RGS6: variants seen among roughly 807,000 people sequenced by gnomAD.
RGS6 encodes the protein regulator of G-protein signaling 6.
A neutral mutation model predicts 78.5 loss-of-function variants in RGS6; 30 were observed. The ratio of observed to expected loss-of-function variants is 0.38; its 90% CI spans 0.29 to 0.52. The LOEUF (loss-of-function observed/expected upper bound fraction) is 0.52, where lower values mean the gene tolerates loss of function less well. Among genes scored for constraint, RGS6 ranks in the 20% least tolerant of loss-of-function variants. RGS6 has a pLI of 0.85. For synonymous variants in RGS6, 206 were observed against 206.0 expected (o/e 1.00, Z 0.00); for missense variants, 495 against 609.7 (o/e 0.81, Z 1.98).
At chr14:72,047,781 G>A (rs1055735666) in intron 2 of RGS6, among the ~76,000 whole-genome samples, 7 of 151,774 alleles carry the variant, frequency 4.6e-5, no homozygotes, top group African/African-American at 1.7e-4. Flanking sequence ...AGGCTGGACT[G>A]CAATGGCGCG....
chr14:72,151,229 G>A (rs2096681737), intron 2 of RGS6, among the ~76,000 whole-genome samples: 1 of 152,198 alleles, frequency 6.6e-6, no homozygotes, highest in South Asian at 2.1e-4. Context: ...CTCTGTTATG[G>A]TAAATAGAGA....
In RGS6 at chr14:72,316,623, A is replaced by G. The variant is rs180950391; in HGVS notation, c.85-35472A>G. ...GGTGTATATGTGCCACATTTTCTTA[A>G]TCCAGTCTATCATTGATGGACATTT... is the stretch of plus-strand genomic sequence containing the variant. On this transcript the variant is annotated intron_variant, in intron 2 of 17. Transcript: ENST00000553525. Among the ~76,000 whole-genome samples the G allele has an allele frequency of 2.1e-4, 32 of 152,212 alleles. No homozygotes were observed. In the Middle Eastern group the frequency reaches 0.01, roughly 49 times the overall value.
chr14:72,102,923 CAG>C (rs566815373), intron 2 of RGS6, among the ~76,000 whole-genome samples: 220 of 152,202 alleles, frequency 1.4e-3, no homozygotes, highest in African/African-American at 5.1e-3. Flanking sequence ...TGGAACAAAA[CAG>C]AATATTTAAA....
intron 13 of RGS6, among the ~76,000 whole-genome samples, chr14:72,504,442 A>G (rs1210383197): frequency 6.6e-6 from 1 of 152,262 alleles, no homozygotes; most frequent in Non-Finnish European, 1.5e-5. Flanking sequence ...TTCACAGAAT[A>G]CTAGAACCAA....
chr14:72,171,420 C>T (rs1421619702), intron 2 of RGS6, among the ~76,000 whole-genome samples: 1 of 152,174 alleles, frequency 6.6e-6, no homozygotes, highest in Non-Finnish European at 1.5e-5. Context: ...CTTTGAAGCT[C>T]TTTTTAGTCA....
intron 2 of RGS6, among the ~76,000 whole-genome samples, chr14:72,268,051 C>A (rs188830058): frequency 9.2e-5 from 14 of 152,296 alleles, no homozygotes; most frequent in Admixed American, 2.6e-4. Context: ...GCCTTCATGT[C>A]CTCGCAATTA....
At chr14:72,139,341 G>A (rs932016524) in intron 2 of RGS6, among the ~76,000 whole-genome samples, 1 of 152,162 alleles carries the variant, frequency 6.6e-6, no homozygotes, top group Non-Finnish European at 1.5e-5. Flanking sequence ...TTCTGCTTTA[G>A]GTAGCCAGAC....
the RGS6 span, among the ~76,000 whole-genome samples, chr14:72,608,841 T>A: frequency 2.0e-5 from 3 of 152,164 alleles, no homozygotes; most frequent in African/African-American, 7.2e-5. Context: ...CCTGCAACCA[T>A]GAAAGCACTA....
intron 7 of RGS6, among the ~76,000 whole-genome samples, chr14:72,466,796 ATG>A (rs1217310184): frequency 7.9e-5 from 12 of 152,246 alleles, no homozygotes; most frequent in Non-Finnish European, 1.3e-4. Flanking sequence ...GAATCTATAC[ATG>A]TGTTAAAATT....
At position 72,035,427 on chromosome 14, in the gene RGS6, T is replaced by C. The variant is rs76199371; in HGVS notation, c.84+70552T>C. 3.0e-3 allele frequency among the ~76,000 whole-genome samples: 461 copies of C among 152,238 alleles called. 1 individual carries two copies. Among genetic ancestry groups the C allele is most frequent in the African/African-American group, 9.9e-3 (411 of 41,564 alleles). On this transcript the variant is annotated intron_variant, in intron 2 of 17. Coordinates refer to ENST00000553525, the MANE Select transcript of RGS6 (RefSeq NM_001204424.2). Reference sequence around the variant, plus strand: ...TCTATTGGTCTTTAAAAAAACTCAATTTTTGTTGTTTTTTTCTATTATTTT... The same window carrying C: ...TCTATTGGTCTTTAAAAAAACTCAACTTTTGTTGTTTTTTTCTATTATTTT...
chr14:71,981,269 G>A (rs1359808369), intron 2 of RGS6, among the ~76,000 whole-genome samples: 1 of 152,220 alleles, frequency 6.6e-6, no homozygotes, highest in East Asian at 1.9e-4. Flanking sequence ...GCTCATCAAA[G>A]TCATTCTCCG....
In RGS6 at chr14:72,352,631, ATTCC is replaced by A. The variant is rs201226199; in HGVS notation, c.184+440_184+443del. ...GAGAGGTTTTAAACTATTTTTCTTC[ATTCC>A]TTATATTGTGCTTTGTGTGCTCATC... On this transcript the variant is annotated intron_variant, in intron 3 of 17. Coordinates refer to ENST00000553525, the MANE Select transcript of RGS6 (RefSeq NM_001204424.2). Among the ~76,000 whole-genome samples the A allele has an allele frequency of 5.8e-4, 89 of 152,294 alleles. 2 individuals are homozygous for A. In the East Asian group the frequency reaches 0.017, roughly 29 times the overall value.
chr14:71,936,207 G>A (rs948562656), intron 1 of RGS6, among the ~76,000 whole-genome samples: 1 of 151,776 alleles, frequency 6.6e-6, no homozygotes, highest in Non-Finnish European at 1.5e-5. Context: ...TGAGGAGCAA[G>A]GAGAGCCAGT....
At chr14:71,941,401 T>G (rs1224019670) in intron 1 of RGS6, among the ~76,000 whole-genome samples, 1 of 152,208 alleles carries the variant, frequency 6.6e-6, no homozygotes, top group East Asian at 1.9e-4. Flanking sequence ...AGAACTCCAT[T>G]CTTAATATTC....
intron 3 of RGS6, among the ~76,000 whole-genome samples, chr14:72,393,639 A>G (rs955397581): frequency 2.6e-5 from 4 of 152,212 alleles, no homozygotes; most frequent in African/African-American, 7.2e-5. Flanking sequence ...AGAAACACAC[A>G]TTAAAACTGC....
chr14:72,148,743 A>G (rs529837421), intron 2 of RGS6, among the ~76,000 whole-genome samples: 58 of 152,330 alleles, frequency 3.8e-4, no homozygotes, highest in African/African-American at 1.4e-3. Context: ...TCACTGAGAT[A>G]GAAAGCTGAG....
intron 2 of RGS6, among the ~76,000 whole-genome samples, chr14:71,976,760 C>A (rs1401271286): frequency 6.6e-6 from 1 of 151,660 alleles, no homozygotes; most frequent in East Asian, 1.9e-4. Flanking sequence ...GATTTATAGT[C>A]CTTTGGGTAT....
chr14:72,589,348 G>A, the RGS6 span, among the ~76,000 whole-genome samples: 2 of 152,076 alleles, frequency 1.3e-5, no homozygotes, highest in African/African-American at 2.4e-5. Flanking sequence ...CCAGGAGTTC[G>A]AGACCAGCCT....
rs796444738 is a variant in RGS6 at position 72,472,169 on chromosome 14, TAAGAAAAAAAAAAAAAGA to T, written c.537-694_537-677del. Among the ~76,000 whole-genome samples, 550 of 69,162 alleles carry T rather than the reference TAAGAAAAAAAAAAAAAGA, an allele frequency of 8.0e-3. 6 individuals are homozygous for T. The highest frequency in any genetic ancestry group is 0.031 in the African/African-American group (533 of 17,210). 45.4% of individuals were successfully genotyped at this position (69,162 alleles called of 152,430 possible). A position where few individuals can be genotyped will look rare whatever the true frequency, so the allele number is the denominator to read the frequency against. Reference sequence around the variant, plus strand: ...TAAAATGAAGTAATACATGCTTTTTTAAGAAAAAAAAAAAAAGAAAGAAAAAGAAAAAACCTCTTATCT... The same window carrying T: ...TAAAATGAAGTAATACATGCTTTTTTAAGAAAAAGAAAAAACCTCTTATCT... On this transcript the variant is annotated intron_variant, in intron 8 of 17. Coordinates refer to ENST00000553525, the MANE Select transcript of RGS6 (RefSeq NM_001204424.2).
Sources: allele counts gnomAD v4.1 joint callset (sites outside exome capture counted in the v4.1 genomes callset), GRCh38; gene constraint gnomAD v4.1.1; transcripts MANE v1.5; gene names NCBI Gene and HGNC (gene_info 2026-07-23, HGNC 2026-07-21).